C8orf34: variants seen among roughly 807,000 people sequenced by gnomAD.
The protein encoded by C8orf34 is uncharacterized protein C8orf34.
C8orf34 carries 65 observed loss-of-function variants against 68.3 expected under a neutral mutation model. The ratio of observed to expected loss-of-function variants is 0.95; its 90% CI spans 0.78 to 1.17. The LOEUF (loss-of-function observed/expected upper bound fraction) is 1.17. C8orf34 is among the 50% of genes most tolerant of loss of function. The probability of loss-of-function intolerance (pLI) is 0.00; values close to 1 mark genes in which losing one functional copy is unlikely to be tolerated. For synonymous variants in C8orf34, 244 were observed against 241.2 expected (o/e 1.01, Z -0.11); for missense variants, 664 against 655.4 (o/e 1.01, Z -0.14).
intron 8 of C8orf34, among the ~76,000 whole-genome samples, chr8:68,681,085 G>C (rs762360750): frequency 5.9e-5 from 9 of 152,082 alleles, no homozygotes; most frequent in Non-Finnish European, 7.4e-5. Context: ...TGACCCCGCA[G>C]GCAGTCAGAC....
intron 10 of C8orf34, among the ~76,000 whole-genome samples, chr8:68,769,615 A>G (rs1039669032): frequency 3.3e-5 from 5 of 152,156 alleles, no homozygotes; most frequent in Non-Finnish European, 7.4e-5. Flanking sequence ...TTCAGCAACA[A>G]TATCTATTCA....
At chr8:68,499,717 T>C (rs1055473294) in intron 5 of C8orf34, among the ~76,000 whole-genome samples, 45 of 152,188 alleles carry the variant, frequency 3.0e-4, no homozygotes, top group African/African-American at 9.7e-4. Context: ...TGGAGAAACC[T>C]GGAAGATACC....
In C8orf34 at chr8:68,331,550, A is replaced by C. The variant is rs562900847; in HGVS notation, c.327+211A>C. ...GGCGGGCACTTAGCCAGTTACCTGA[A>C]CGCGGACAGGTGAGCTCGGGAGGGC... On this transcript the variant is annotated intron_variant, in intron 1 of 13. Transcript: ENST00000518698. 1.9e-4 allele frequency: 114 copies of C among 609,172 alleles called. No individual in the cohort carries two copies. The African/African-American group carries it at 2.0e-3, about 11-fold the overall frequency. The allele number at this position is 609,172 out of a possible 1,614,324, so 37.7% of individuals were successfully genotyped here.
chr8:68,333,161 T>C (rs978738764), intron 1 of C8orf34, among the ~76,000 whole-genome samples: 1 of 152,188 alleles, frequency 6.6e-6, no homozygotes, highest in Non-Finnish European at 1.5e-5. Flanking sequence ...GTAAACTTTC[T>C]GCAGAATTAG....
At chr8:68,807,866 A>C (rs1232551836) in intron 12 of C8orf34, among the ~76,000 whole-genome samples, 1 of 152,224 alleles carries the variant, frequency 6.6e-6, no homozygotes, top group Non-Finnish European at 1.5e-5. Context: ...ATTCCTTGAG[A>C]GGGCTGGTAT....
intron 8 of C8orf34, 111 bp downstream of exon 8, chr8:68,640,622 G>A: frequency 1.8e-6 from 2 of 1,123,032 alleles, no homozygotes; most frequent in Non-Finnish European, 2.5e-6. Flanking sequence ...TTTCCTTCCA[G>A]CGATCTTTTG....
chr8:68,476,652 T>C (rs1322096084), intron 4 of C8orf34, among the ~76,000 whole-genome samples: 2 of 152,172 alleles, frequency 1.3e-5, no homozygotes, highest in Non-Finnish European at 2.9e-5. Flanking sequence ...AAAGATGTCA[T>C]ACATATTCAG....
chr8:68,609,700 T>C (rs1817961192), intron 7 of C8orf34, among the ~76,000 whole-genome samples: 1 of 152,134 alleles, frequency 6.6e-6, no homozygotes, highest in Non-Finnish European at 1.5e-5. Context: ...GAAAACTCCA[T>C]TGGATAGCCT....
chr8:68,654,706 A>G (rs1464109793), intron 8 of C8orf34, among the ~76,000 whole-genome samples: 2 of 152,196 alleles, frequency 1.3e-5, no homozygotes, highest in Non-Finnish European at 2.9e-5. Context: ...ATGGGGATAT[A>G]AAAAGGAAAT....
intron 1 of C8orf34, among the ~76,000 whole-genome samples, chr8:68,340,109 T>A (rs1297784383): frequency 1.3e-5 from 2 of 152,166 alleles, no homozygotes; most frequent in Non-Finnish European, 2.9e-5. Flanking sequence ...CTGACTTTAA[T>A]AAGCATTGGT....
At position 68,501,887 on chromosome 8, in the gene C8orf34, G is replaced by A. The variant is rs76056997; in HGVS notation, c.765+13836G>A. Among the ~76,000 whole-genome samples, 978 of 152,234 alleles carry A rather than the reference G, an allele frequency of 6.4e-3. 16 individuals carry two copies. The highest frequency in any genetic ancestry group is 0.022 in the African/African-American group (928 of 41,536). ...TCTGCTAGATACACATAGGTACAAA[G>A]GGTAGAAGGGAAAGATCAGTCAATT... On this transcript the variant is annotated intron_variant, in intron 5 of 13. Coordinates refer to ENST00000518698, the MANE Select transcript of C8orf34 (RefSeq NM_052958.4).
chr8:68,379,879 TCTCA>T (rs1317222254), intron 1 of C8orf34, among the ~76,000 whole-genome samples: 1 of 152,046 alleles, frequency 6.6e-6, no homozygotes, highest in Non-Finnish European at 1.5e-5. Flanking sequence ...CGAGACAGAG[TCTCA>T]CTCTGTTACC....
intron 1 of C8orf34, among the ~76,000 whole-genome samples, chr8:68,403,914 G>T (rs945683279): frequency 6.6e-6 from 1 of 152,114 alleles, no homozygotes; most frequent in Non-Finnish European, 1.5e-5. Context: ...TGGGATTACT[G>T]GGTCAAATGG....
At chr8:68,370,047 A>T (rs1044943983) in intron 1 of C8orf34, among the ~76,000 whole-genome samples, 1 of 152,140 alleles carries the variant, frequency 6.6e-6, no homozygotes, top group Non-Finnish European at 1.5e-5. Flanking sequence ...AAATGCAGCA[A>T]CTTTGGGAAA....
intron 7 of C8orf34, among the ~76,000 whole-genome samples, chr8:68,634,987 C>A (rs940473153): frequency 6.6e-6 from 1 of 152,076 alleles, no homozygotes; most frequent in African/African-American, 2.4e-5. Flanking sequence ...GCTTCTGACT[C>A]TAGGGTTCTC....
chr8:68,527,572 AAAAAAAT>A (rs1586322388), intron 6 of C8orf34, among the ~76,000 whole-genome samples: 2 of 152,234 alleles, frequency 1.3e-5, no homozygotes, highest in South Asian at 2.1e-4. Flanking sequence ...ACTCCGTCTC[AAAAAAAT>A]AAAAAATAAA....
intron 7 of C8orf34, among the ~76,000 whole-genome samples, chr8:68,562,527 C>G (rs1230702884): frequency 6.6e-6 from 1 of 152,114 alleles, no homozygotes; most frequent in East Asian, 1.9e-4. Context: ...TCCAACAGTT[C>G]CAACAAGCAC....
At chr8:68,809,640 A>G (rs1235411978) in intron 12 of C8orf34, among the ~76,000 whole-genome samples, 1 of 152,190 alleles carries the variant, frequency 6.6e-6, no homozygotes, top group African/African-American at 2.4e-5. Context: ...CATCATGTAA[A>G]TATTTCATAC....
chr8:68,813,647 A>C (rs1257789818), intron 12 of C8orf34, among the ~76,000 whole-genome samples: 2 of 152,078 alleles, frequency 1.3e-5, no homozygotes, highest in African/African-American at 4.8e-5. Context: ...GCTTCTCTCC[A>C]TTGCCCTGTG....
Sources: gnomAD v4.1 joint callset for allele counts (sites outside exome capture counted in the v4.1 genomes callset) on GRCh38, gnomAD v4.1.1 for gene constraint, MANE v1.5 for transcripts, NCBI Gene and HGNC (gene_info 2026-07-23, HGNC 2026-07-21) for gene names.